C14orf132: variants seen among roughly 807,000 people sequenced by gnomAD.
C14orf132 encodes uncharacterized protein C14orf132.
C14orf132 carries 6 observed loss-of-function variants against 5.8 expected under a neutral mutation model. The ratio of observed to expected loss-of-function variants is 1.03; its 90% CI spans 0.57 to 2.04. The LOEUF is 2.04. Among genes scored for constraint, C14orf132 ranks in the 30% most tolerant of loss-of-function variants. C14orf132 has a pLI of 0.00. For missense variants in C14orf132, 125 were observed against 115.8 expected, an observed-to-expected ratio of 1.08 and a Z score of -0.37; for synonymous variants, 51 against 49.8, an observed-to-expected ratio of 1.02 and a Z score of -0.10.
At chr14:96,071,505 ATTTGGTGGCATAAAC>A in intron 1 of C14orf132, among the ~76,000 whole-genome samples, 1 of 152,260 alleles carries the variant, frequency 6.6e-6, no homozygotes, top group South Asian at 2.1e-4. Context: ...CTTTCCCTGG[ATTTGGTGGCATAAAC>A]TCAAGTGTTC....
chr14:96,092,064 G>A lies in C14orf132; in HGVS notation c.*5329G>A, dbSNP rs552972094. 2.6e-5 allele frequency: 4 copies of A among 152,320 alleles called. No individual in the cohort carries two copies. The highest frequency in any genetic ancestry group is 2.6e-4 in the Admixed American group (4 of 15,306). The allele number at this position is 152,320 out of a possible 1,614,324, so 9.4% of individuals were successfully genotyped here. On this transcript the variant is annotated 3_prime_UTR_variant, in exon 2 of 2. Transcript: ENST00000555004. ...AACAGTTACTGCCAGAAGCAGAATG[G>A]AAGAGCCAAAAAGTACACAAAATGG...
At chr14:96,041,605 C>T (rs1303471725) in intron 1 of C14orf132, among the ~76,000 whole-genome samples, 1 of 152,240 alleles carries the variant, frequency 6.6e-6, no homozygotes, top group African/African-American at 2.4e-5. Context: ...TGTTACTTCC[C>T]TACCTGCAAT....
At position 96,047,252 on chromosome 14, in the gene C14orf132, G is replaced by T. The variant is rs929202499; in HGVS notation, c.27+7725G>T. 2.0e-5 allele frequency among the ~76,000 whole-genome samples: 3 copies of T among 152,200 alleles called. 1 individual carries two copies. The highest frequency in any genetic ancestry group is 7.2e-5 in the African/African-American group (3 of 41,434). ...AGCAGTTCAAGAAGTAAACATTCCA[G>T]TGATTTTTGTAGACCAAATTTCTAG... is the stretch of plus-strand genomic sequence containing the variant. On this transcript the variant is annotated intron_variant, in intron 1 of 1. Coordinates refer to ENST00000555004, the MANE Select transcript of C14orf132 (RefSeq NM_001252507.3).
chr14:96,043,530 T>C (rs920894633), intron 1 of C14orf132, among the ~76,000 whole-genome samples: 5 of 152,140 alleles, frequency 3.3e-5, no homozygotes, highest in African/African-American at 1.2e-4. Context: ...TCAAATGTTG[T>C]TGCCATTAGA....
intron 1 of C14orf132, among the ~76,000 whole-genome samples, chr14:96,045,225 A>G (rs1886800048): frequency 6.6e-6 from 1 of 152,186 alleles, no homozygotes; most frequent in Non-Finnish European, 1.5e-5. Flanking sequence ...AGATAACAAG[A>G]TGGGGGTAAA....
chr14:96,051,890 A>T (rs2139649358), intron 1 of C14orf132, among the ~76,000 whole-genome samples: 1 of 152,348 alleles, frequency 6.6e-6, no homozygotes, highest in Non-Finnish European at 1.5e-5. Flanking sequence ...CACATTGCAT[A>T]CAGACCATCA....
intron 1 of C14orf132, among the ~76,000 whole-genome samples, chr14:96,057,337 C>T (rs1887214371): frequency 6.6e-6 from 1 of 152,220 alleles, no homozygotes; most frequent in South Asian, 2.1e-4. Flanking sequence ...AGCAGAGAAG[C>T]CTTCAGCAGA....
rs961315799 is a variant in C14orf132, at chr14:96,093,239, G to A, written c.*6504G>A. ...GGGCATTTGTGGGGACCCCCAGACT[G>A]GAGGGAGAAAGCCCTACAAAGTGGA... On this transcript the variant is annotated 3_prime_UTR_variant, in exon 2 of 2. Coordinates refer to ENST00000555004, the MANE Select transcript of C14orf132 (RefSeq NM_001252507.3). 70 of 152,164 alleles carry A rather than the reference G, an allele frequency of 4.6e-4. No homozygotes were observed. The highest frequency in any genetic ancestry group is 1.7e-3 in the African/African-American group (70 of 41,430). The allele number at this position is 152,164 out of a possible 1,614,324, so 9.4% of individuals were successfully genotyped here. A position where few individuals can be genotyped will look rare whatever the true frequency, so the allele number is the denominator to read the frequency against.
chr14:96,062,441 G>A (rs1002517667), intron 1 of C14orf132, among the ~76,000 whole-genome samples: 8 of 152,088 alleles, frequency 5.3e-5, no homozygotes, highest in African/African-American at 7.2e-5. Context: ...ATGGATCTTC[G>A]TGTTTTCCTT....
In C14orf132 at chr14:96,041,219, G is replaced by A. The variant is rs548737036; in HGVS notation, c.27+1692G>A. 4.0e-5 allele frequency among the ~76,000 whole-genome samples: 6 copies of A among 151,856 alleles called. No homozygotes were observed. The South Asian group carries it at 1.0e-3, about 26-fold the overall frequency. On this transcript the variant is annotated intron_variant, in intron 1 of 1. Transcript: ENST00000555004. ...AAGTACCACACATATGAGAACAGAC[G>A]CTAAGGTTTGTTGAGCACCTACTAT...
intron 1 of C14orf132, among the ~76,000 whole-genome samples, chr14:96,063,268 A>G (rs1313897650): frequency 6.6e-6 from 1 of 152,106 alleles, no homozygotes; most frequent in African/African-American, 2.4e-5. Flanking sequence ...CCTCTTGAAA[A>G]GTACTGTCCA....
At chr14:96,058,178 C>G (rs1196893767) in intron 1 of C14orf132, among the ~76,000 whole-genome samples, 2 of 152,084 alleles carry the variant, frequency 1.3e-5, no homozygotes, top group East Asian at 3.9e-4. Flanking sequence ...TCTCCACTCT[C>G]CTCCCTGCCC....
At chr14:96,078,614 G>C (rs1357898441) in intron 1 of C14orf132, among the ~76,000 whole-genome samples, 1 of 152,128 alleles carries the variant, frequency 6.6e-6, no homozygotes, top group African/African-American at 2.4e-5. Context: ...TGGTCCTGTG[G>C]GTCCCAGGCA....
At chr14:96,042,269 CAG>C (rs1221211701) in intron 1 of C14orf132, among the ~76,000 whole-genome samples, 1 of 152,158 alleles carries the variant, frequency 6.6e-6, no homozygotes, top group Non-Finnish European at 1.5e-5. Flanking sequence ...GGCTGGGAGA[CAG>C]AGGCCAGGGC....
chr14:96,077,616 A>C (rs1036054801), intron 1 of C14orf132, among the ~76,000 whole-genome samples: 2 of 152,188 alleles, frequency 1.3e-5, no homozygotes, highest in African/African-American at 4.8e-5. Context: ...TCCACCCTCC[A>C]GGACTGTGAG....
At chr14:96,043,310 G>A (rs867611332) in intron 1 of C14orf132, among the ~76,000 whole-genome samples, 29 of 152,256 alleles carry the variant, frequency 1.9e-4, no homozygotes, top group South Asian at 1.0e-3. Flanking sequence ...ACATGCTGGG[G>A]GAAGGGAGCG....
At chr14:96,070,594 T>TCACACACA (rs1360572735) in intron 1 of C14orf132, among the ~76,000 whole-genome samples, 6 of 121,124 alleles carry the variant, frequency 5.0e-5, no homozygotes, top group African/African-American at 1.8e-4. Flanking sequence ...TCTCTCTCTC[T>TCACACACA]CTCACACACA....
intron 1 of C14orf132, among the ~76,000 whole-genome samples, chr14:96,061,330 C>T (rs1373890793): frequency 6.6e-6 from 1 of 152,226 alleles, no homozygotes; most frequent in African/African-American, 2.4e-5. Flanking sequence ...CTCTTTGTTC[C>T]TGCACCTTCT....
Position 96,039,448 on chromosome 14 carries a change from C to A in C14orf132, c.-53C>A. 2.0e-6 allele frequency: 3 copies of A among 1,475,240 alleles called. No homozygotes were observed. Among genetic ancestry groups the A allele is most frequent in the Non-Finnish European group, 2.7e-6 (3 of 1,112,820 alleles). The allele number at this position is 1,475,240 out of a possible 1,614,324, so 91.4% of individuals were successfully genotyped here. A position where few individuals can be genotyped will look rare whatever the true frequency, so the allele number is the denominator to read the frequency against. The stretch of plus-strand genomic sequence containing the variant: ...CCCCGCCAACTGTGCAGGCGGCTGA[C>A]CCGCAGCGGCAGCGGCAGCAGCGAG... On this transcript the variant is annotated 5_prime_UTR_variant, in exon 1 of 2. Coordinates refer to ENST00000555004, the MANE Select transcript of C14orf132 (RefSeq NM_001252507.3). This position sits in a 1 kb window ranked among gnomAD's most constrained non-coding sequence, Gnocchi z 5.3.
Sources: allele counts gnomAD v4.1 joint callset (sites outside exome capture counted in the v4.1 genomes callset), GRCh38; gene constraint gnomAD v4.1.1; non-coding constraint Gnocchi (gnomAD v3.1); transcripts MANE v1.5; gene names NCBI Gene and HGNC (gene_info 2026-07-23, HGNC 2026-07-21).